KCNJ3: variants seen among roughly 807,000 people sequenced by gnomAD.
KCNJ3 encodes potassium inwardly rectifying channel subfamily J member 3.
A neutral mutation model predicts 39.2 loss-of-function variants in KCNJ3; 4 were observed. The ratio of observed to expected loss-of-function variants is 0.10; its 90% CI spans 0.05 to 0.23. The LOEUF (loss-of-function observed/expected upper bound fraction) is 0.23. KCNJ3 is among the 10% of genes least tolerant of loss of function. KCNJ3 has a pLI of 1.00. For synonymous variants in KCNJ3, 230 were observed against 237.4 expected (o/e 0.97, Z 0.29); for missense variants, 276 against 634.9 (o/e 0.43, Z 6.08).
chr2:154,848,228 G>A (rs1687694035), intron 2 of KCNJ3, among the ~76,000 whole-genome samples: 1 of 152,044 alleles, frequency 6.6e-6, no homozygotes, highest in South Asian at 2.1e-4. Context: ...CTTAGGTTTG[G>A]GAATCAGTAT....
chr2:154,856,971 GTTT>G lies in KCNJ3; in HGVS notation c.*1662_*1664del. 1 of 152,144 alleles carries G rather than the reference GTTT, an allele frequency of 6.6e-6. No homozygotes were observed. Among genetic ancestry groups the G allele is most frequent in the African/African-American group, 2.4e-5 (1 of 41,514 alleles). The allele number at this position is 152,144 out of a possible 1,614,324, so 9.4% of individuals were successfully genotyped here. A position where few individuals can be genotyped will look rare whatever the true frequency, so the allele number is the denominator to read the frequency against. On this transcript the variant is annotated 3_prime_UTR_variant, in exon 3 of 3. Coordinates refer to ENST00000295101, the MANE Select transcript of KCNJ3 (RefSeq NM_002239.4). ...CTAGTTTGGGCTCTCATTATTTCCT[GTTT>G]TTTAACAATTTTGTGATAATTTTAT...
chr2:154,740,481 A>G (rs1287358792), intron 2 of KCNJ3, among the ~76,000 whole-genome samples: 1 of 151,890 alleles, frequency 6.6e-6, no homozygotes, highest in African/African-American at 2.4e-5. Context: ...CATTGTGGTG[A>G]CTGTTGCCTT....
chr2:154,779,895 T>C (rs1049568489), intron 2 of KCNJ3, among the ~76,000 whole-genome samples: 4 of 152,122 alleles, frequency 2.6e-5, no homozygotes, highest in African/African-American at 9.7e-5. Context: ...GGTATTATAA[T>C]TTTATTTTCT....
At chr2:154,808,535 G>A (rs1374211249) in intron 2 of KCNJ3, among the ~76,000 whole-genome samples, 1 of 152,082 alleles carries the variant, frequency 6.6e-6, no homozygotes, top group African/African-American at 2.4e-5. Flanking sequence ...AGACAATTCA[G>A]GTGGCTGAAC....
chr2:154,742,823 G>T (rs1685674860), intron 2 of KCNJ3, among the ~76,000 whole-genome samples: 1 of 151,558 alleles, frequency 6.6e-6, no homozygotes, highest in Middle Eastern at 3.2e-3. Context: ...TTCTGTGGGT[G>T]GCCTTTTTAC....
At chr2:154,747,769 T>C (rs1685772909) in intron 2 of KCNJ3, among the ~76,000 whole-genome samples, 1 of 152,060 alleles carries the variant, frequency 6.6e-6, no homozygotes, top group Non-Finnish European at 1.5e-5. Context: ...GCCTAAAACT[T>C]ATAGAAACCC....
chr2:154,831,949 A>G (rs1172905014), intron 2 of KCNJ3, among the ~76,000 whole-genome samples: 1 of 152,196 alleles, frequency 6.6e-6, no homozygotes, highest in Non-Finnish European at 1.5e-5. Context: ...CTTCCCAGTC[A>G]TGGCGGAAGG....
At chr2:154,847,728 A>T (rs1305511083) in intron 2 of KCNJ3, among the ~76,000 whole-genome samples, 1 of 152,222 alleles carries the variant, frequency 6.6e-6, no homozygotes, top group South Asian at 2.1e-4. Flanking sequence ...TAATTCTCAC[A>T]ATCTTCTTTT....
At chr2:154,734,134 A>C (rs1489027344) in intron 2 of KCNJ3, among the ~76,000 whole-genome samples, 1 of 152,236 alleles carries the variant, frequency 6.6e-6, no homozygotes, top group East Asian at 1.9e-4. Context: ...TACTTCTAAC[A>C]GAAAAGAATA....
intron 2 of KCNJ3, among the ~76,000 whole-genome samples, chr2:154,841,539 T>C (rs1687577133): frequency 6.6e-6 from 1 of 152,232 alleles, no homozygotes; most frequent in African/African-American, 2.4e-5. Context: ...TTGGTAGAAT[T>C]TGGCTATGAA....
chr2:154,847,000 G>T (rs1442374546), intron 2 of KCNJ3, among the ~76,000 whole-genome samples: 1 of 152,094 alleles, frequency 6.6e-6, no homozygotes, highest in South Asian at 2.1e-4. Flanking sequence ...GTAAATAATA[G>T]AGGATAATAT....
chr2:154,782,349 T>C (rs962783924), intron 2 of KCNJ3, among the ~76,000 whole-genome samples: 7 of 152,176 alleles, frequency 4.6e-5, no homozygotes, highest in African/African-American at 1.7e-4. Flanking sequence ...AATGAGTTAA[T>C]ACATTTAAGG....
intron 2 of KCNJ3, among the ~76,000 whole-genome samples, chr2:154,828,671 C>T (rs1478770073): frequency 6.6e-6 from 1 of 152,116 alleles, no homozygotes; most frequent in Admixed American, 6.5e-5. Flanking sequence ...TCCTCAGTTC[C>T]CAAACTGCTC....
intron 2 of KCNJ3, among the ~76,000 whole-genome samples, chr2:154,812,768 A>C (rs1332605429): frequency 6.6e-6 from 1 of 152,158 alleles, no homozygotes; most frequent in Admixed American, 6.6e-5. Context: ...GCTCTCCTAT[A>C]ACGAGGTTAA....
At chr2:154,853,489 A>G (rs1315983752) in intron 2 of KCNJ3, among the ~76,000 whole-genome samples, 1 of 152,112 alleles carries the variant, frequency 6.6e-6, no homozygotes, top group Non-Finnish European at 1.5e-5. Context: ...GAGAATTGAA[A>G]TGAATGAAGA....
chr2:154,698,713 G>C lies in KCNJ3; in HGVS notation c.-63G>C. ...CGCCCCCACCTCCTTATTGGTGCTA[G>C]TTTGCAGCGCCCAGCTCCTGCGCCT... On this transcript the variant is annotated 5_prime_UTR_variant, in exon 1 of 3. Coordinates refer to ENST00000295101, the MANE Select transcript of KCNJ3 (RefSeq NM_002239.4). 1 of 825,406 alleles carries C rather than the reference G, an allele frequency of 1.2e-6. No individual in the cohort carries two copies. Among genetic ancestry groups the C allele is most frequent in the Non-Finnish European group, 1.9e-6 (1 of 513,458 alleles). The allele number at this position is 825,406 out of a possible 1,614,324, so 51.1% of individuals were successfully genotyped here.
chr2:154,836,498 A>G (rs2961969), intron 2 of KCNJ3, among the ~76,000 whole-genome samples: 30,219 of 152,074 alleles, frequency 0.2, 3,342 homozygotes, highest in East Asian at 0.4. Flanking sequence ...GAAACTTTTA[A>G]TAATGTGACT....
intron 2 of KCNJ3, among the ~76,000 whole-genome samples, chr2:154,828,847 T>A (rs1450180919): frequency 6.6e-6 from 1 of 151,982 alleles, no homozygotes; most frequent in African/African-American, 2.4e-5. Flanking sequence ...TTAGTTTGAG[T>A]TTTTCAAACA....
intron 2 of KCNJ3, among the ~76,000 whole-genome samples, chr2:154,828,249 A>T (rs1687303196): frequency 6.6e-6 from 1 of 152,210 alleles, no homozygotes; most frequent in South Asian, 2.1e-4. Context: ...CCATCATATG[A>T]AAACCACACG....
Sources: allele counts gnomAD v4.1 joint callset (sites outside exome capture counted in the v4.1 genomes callset), GRCh38; gene constraint gnomAD v4.1.1; transcripts MANE v1.5; gene names NCBI Gene and HGNC (gene_info 2026-07-23, HGNC 2026-07-21).